PDS5B: variants seen among roughly 807,000 people sequenced by gnomAD.
PDS5B encodes the protein PDS5 cohesin associated factor B.
Under a neutral mutation model 184.1 loss-of-function variants are expected in PDS5B, and 51 were observed. That is an observed-to-expected ratio of 0.28 (90% CI 0.22 to 0.35). PDS5B has a LOEUF of 0.35. Among genes scored for constraint, PDS5B ranks in the 10% least tolerant of loss-of-function variants. PDS5B has a pLI of 1.00. For missense variants in PDS5B, 1,180 were observed against 1,723.3 expected, an observed-to-expected ratio of 0.68 and a Z score of 5.58; for synonymous variants, 566 against 569.2, an observed-to-expected ratio of 0.99 and a Z score of 0.08.
At chr13:32,612,233 T>G (rs1211975000) in intron 1 of PDS5B, among the ~76,000 whole-genome samples, 1 of 152,012 alleles carries the variant, frequency 6.6e-6, no homozygotes, top group African/African-American at 2.4e-5. Flanking sequence ...GCCCAGCTAA[T>G]TTTTTTGTAT....
At position 32,694,203 on chromosome 13, in the gene PDS5B, T is replaced by C; in HGVS notation, c.1470-20T>C. On this transcript the variant is annotated intron_variant, in intron 13 of 34. Transcript: ENST00000315596. ...TTTATTCTGTTTTGTTATTTAAATG[T>C]GTATGTTTGTGTTTTTCAGAGCATT... The C allele has an allele frequency of 2.0e-6, 3 of 1,487,408 alleles. No individual in the cohort carries two copies. Among genetic ancestry groups the C allele is most frequent in the Non-Finnish European group, 2.8e-6 (3 of 1,070,594 alleles). The allele number at this position is 1,487,408 out of a possible 1,614,324, so 92.1% of individuals were successfully genotyped here. A position where few individuals can be genotyped will look rare whatever the true frequency, so the allele number is the denominator to read the frequency against.
chr13:32,658,366 AT>A (rs757337544), intron 4 of PDS5B, 41 bp downstream of exon 4: 3 of 1,416,234 alleles, frequency 2.1e-6, no homozygotes, highest in African/African-American at 1.4e-5. Flanking sequence ...TTTTAAACTG[AT>A]TTTTTTGTTT....
intron 1 of PDS5B, among the ~76,000 whole-genome samples, chr13:32,643,635 A>G (rs1242692364): frequency 1.3e-5 from 2 of 152,172 alleles, no homozygotes; most frequent in East Asian, 1.9e-4. Context: ...GTTTAGATAC[A>G]TTTAGATACA....
Position 32,586,504 on chromosome 13 carries a change from AG to A in PDS5B, c.-100del, listed in dbSNP as rs3832923. 0.43 allele frequency: 59,044 copies of A among 137,786 alleles called. 12,162 individuals carry two copies. The highest frequency in any genetic ancestry group is 0.52 in the African/African-American group (19,742 of 37,610). The allele number at this position is 137,786 out of a possible 1,614,324, so 8.5% of individuals were successfully genotyped here. ...ACGGCAGGGCTGGCTGCGGAAGGGGAGGGGGGGGGAGAAGGCGATTGGATGC... is the reference window on the plus strand; with the variant it reads ...ACGGCAGGGCTGGCTGCGGAAGGGGAGGGGGGGGAGAAGGCGATTGGATGC... On this transcript the variant is annotated 5_prime_UTR_variant, in exon 1 of 35. Coordinates refer to ENST00000315596, the MANE Select transcript of PDS5B (RefSeq NM_015032.4).
chr13:32,686,612 T>A (rs138535665), intron 11 of PDS5B, among the ~76,000 whole-genome samples: 1 of 152,076 alleles, frequency 6.6e-6, no homozygotes, highest in East Asian at 1.9e-4. Context: ...AGACCCTGTT[T>A]CTACAAAAAA....
intron 18 of PDS5B, among the ~76,000 whole-genome samples, chr13:32,707,562 C>T (rs1952066614): frequency 7.0e-6 from 1 of 143,488 alleles, no homozygotes; most frequent in Non-Finnish European, 1.5e-5. Flanking sequence ...AACTATTTTC[C>T]CTTATTAAAG....
chr13:32,692,414 CCTTTTTTTTTTTTT>C lies in PDS5B; in HGVS notation c.1470-1808_1470-1795del, dbSNP rs1483681912. ...ATTAAACAAGTTTGCGTCCAAAAAG[CCTTTTTTTTTTTTT>C]TTTTTTTTTTTTTTGAGATAGAGTC... On this transcript the variant is annotated intron_variant, in intron 13 of 34. Transcript: ENST00000315596. Among the ~76,000 whole-genome samples the C allele has an allele frequency of 3.2e-4, 22 of 69,152 alleles. 3 individuals carry two copies. Among genetic ancestry groups the C allele is most frequent in the East Asian group, 1.1e-3 (2 of 1,798 alleles). 45.4% of individuals were successfully genotyped at this position (69,152 alleles called of 152,430 possible). A position where few individuals can be genotyped will look rare whatever the true frequency, so the allele number is the denominator to read the frequency against.
At chr13:32,694,639 T>G (rs1951651245) in intron 14 of PDS5B, among the ~76,000 whole-genome samples, 1 of 151,846 alleles carries the variant, frequency 6.6e-6, no homozygotes. Flanking sequence ...ATGTTGCCAC[T>G]CTAAGATGTT....
chr13:32,665,503 G>A (rs1485502330), intron 6 of PDS5B, among the ~76,000 whole-genome samples: 1 of 147,256 alleles, frequency 6.8e-6, no homozygotes, highest in Non-Finnish European at 1.5e-5. Flanking sequence ...GCAGGAGAAT[G>A]GTGTGAACCC....
chr13:32,679,253 C>A (rs763103252), intron 10 of PDS5B, among the ~76,000 whole-genome samples: 11 of 152,060 alleles, frequency 7.2e-5, no homozygotes, highest in Non-Finnish European at 1.5e-4. Flanking sequence ...AAAGTCAAGA[C>A]CTGTTCAAAT....
At chr13:32,735,078 A>T in intron 20 of PDS5B, 94 bp from the exon 21 acceptor site, 1 of 723,998 alleles carries the variant, frequency 1.4e-6, no homozygotes, top group Non-Finnish European at 2.1e-6. Context: ...AAAATAAATT[A>T]CAAAATAAAT....
At chr13:32,611,378 A>G (rs567738249) in intron 1 of PDS5B, among the ~76,000 whole-genome samples, 57 of 151,744 alleles carry the variant, frequency 3.8e-4, no homozygotes, top group Non-Finnish European at 7.1e-4. Flanking sequence ...TTTTTCATTC[A>G]TTAGTGTAGT....
intron 1 of PDS5B, among the ~76,000 whole-genome samples, chr13:32,641,185 C>T (rs183031309): frequency 6.6e-6 from 1 of 151,928 alleles, no homozygotes; most frequent in East Asian, 1.9e-4. Flanking sequence ...TTTGCTCTAC[C>T]TTAATAGTGA....
At chr13:32,589,009 A>C (rs1490872842) in intron 1 of PDS5B, among the ~76,000 whole-genome samples, 1 of 152,216 alleles carries the variant, frequency 6.6e-6, no homozygotes, top group Non-Finnish European at 1.5e-5. Flanking sequence ...CCTTAGAACT[A>C]ACAGGAGTGC....
At chr13:32,587,072 GGC>G (rs1287600976) in intron 1 of PDS5B, among the ~76,000 whole-genome samples, 1 of 147,056 alleles carries the variant, frequency 6.8e-6, no homozygotes, top group Non-Finnish European at 1.5e-5. Context: ...GCAGGCGGGC[GGC>G]GCGGTGCTCC....
intron 1 of PDS5B, among the ~76,000 whole-genome samples, chr13:32,642,020 T>C (rs947755994): frequency 6.6e-6 from 1 of 152,208 alleles, no homozygotes; most frequent in African/African-American, 2.4e-5. Flanking sequence ...TAAATGGCCT[T>C]CTAGGAACAA....
chr13:32,668,346 A>G (rs764582616), intron 7 of PDS5B, among the ~76,000 whole-genome samples: 1 of 152,164 alleles, frequency 6.6e-6, no homozygotes, highest in Non-Finnish European at 1.5e-5. Flanking sequence ...ATATAAATCT[A>G]TCTTTTCTGG....
chr13:32,696,983 G>A (rs985580747), intron 15 of PDS5B, 81 bp downstream of exon 15: 8 of 817,226 alleles, frequency 9.8e-6, no homozygotes, highest in East Asian at 2.7e-5. Flanking sequence ...ATGCAGTTTT[G>A]TTATAGGCTA....
Position 32,725,542 on chromosome 13 carries a change from C to G in PDS5B, c.2124-6559C>G, listed in dbSNP as rs993576051. Reference sequence around the variant, plus strand: ...TAATGGGAATGGTATTAAGAAATTACAACATGAGTCCTGTGGGTACTAATT... The same window carrying G: ...TAATGGGAATGGTATTAAGAAATTAGAACATGAGTCCTGTGGGTACTAATT... On this transcript the variant is annotated intron_variant, in intron 19 of 34. Coordinates refer to ENST00000315596, the MANE Select transcript of PDS5B (RefSeq NM_015032.4). Among the ~76,000 whole-genome samples, 4 of 152,124 alleles carry G rather than the reference C, an allele frequency of 2.6e-5. No homozygotes were observed. In the East Asian group the frequency reaches 7.7e-4, roughly 29 times the overall value.
Sources: gnomAD v4.1 joint callset for allele counts (sites outside exome capture counted in the v4.1 genomes callset) on GRCh38, gnomAD v4.1.1 for gene constraint, MANE v1.5 for transcripts, NCBI Gene and HGNC (gene_info 2026-07-23, HGNC 2026-07-21) for gene names.